Variants in MYT1L observed in about 807,000 individuals in gnomAD.
MYT1L encodes myelin transcription factor 1 like, also known as myelin transcription factor 1-like protein.
A neutral mutation model predicts 126.7 loss-of-function variants in MYT1L; 12 were observed. That is an observed-to-expected ratio of 0.09 (90% CI 0.06 to 0.15). The LOEUF is 0.15. Ranked by LOEUF, MYT1L falls within the 10% of genes least tolerant of loss-of-function variation. The pLI, the probability that MYT1L is intolerant of heterozygous loss-of-function variation, is 1.00. For synonymous variants in MYT1L, 541 were observed against 604.2 expected, an observed-to-expected ratio of 0.90 and a Z score of 1.53; for missense variants, 979 against 1,585.2, an observed-to-expected ratio of 0.62 and a Z score of 6.49.
Position 1,874,196 on chromosome 2 carries a change from TTTTTTTCCCCC to T in MYT1L, c.2711+12332_2711+12342del, listed in dbSNP as rs911238345. Among the ~76,000 whole-genome samples the T allele has an allele frequency of 1.6e-4, 25 of 152,150 alleles. No individual in the cohort carries two copies. The South Asian group carries it at 5.0e-3, about 30-fold the overall frequency. ...GTGGAAAACAGGAAACGCTCTTTTT[TTTTTTTCCCCC>T]AAGATGAATTTTAAATGTAGGAGGT... On this transcript the variant is annotated intron_variant, in intron 18 of 24. Coordinates refer to ENST00000647738, the MANE Select transcript of MYT1L (RefSeq NM_001303052.2).
At chr2:1,896,251 A>G (rs937752531) in intron 14 of MYT1L, among the ~76,000 whole-genome samples, 2 of 152,242 alleles carry the variant, frequency 1.3e-5, no homozygotes, top group Non-Finnish European at 2.9e-5. Context: ...AATGCAAATT[A>G]GTTCAGCTAC....
intron 5 of MYT1L, among the ~76,000 whole-genome samples, chr2:1,991,961 C>T (rs1408188395): frequency 6.6e-6 from 1 of 152,178 alleles, no homozygotes; most frequent in Non-Finnish European, 1.5e-5. Flanking sequence ...TCCTGCTCCA[C>T]AAAGAAGGAT....
At chr2:1,877,664 G>A (rs1027462306) in intron 18 of MYT1L, among the ~76,000 whole-genome samples, 2 of 152,150 alleles carry the variant, frequency 1.3e-5, no homozygotes, top group South Asian at 2.1e-4. Context: ...CTGCTCGCAC[G>A]CCTGTGCTGG....
chr2:2,264,129 C>T (rs2095061666), intron 2 of MYT1L, among the ~76,000 whole-genome samples: 1 of 152,126 alleles, frequency 6.6e-6, no homozygotes, highest in Non-Finnish European at 1.5e-5. Context: ...CCCTGAAGCC[C>T]AAGTTCCTTC....
At chr2:2,189,461 C>G (rs1163793102) in intron 2 of MYT1L, among the ~76,000 whole-genome samples, 2 of 152,122 alleles carry the variant, frequency 1.3e-5, no homozygotes, top group Non-Finnish European at 2.9e-5. Flanking sequence ...TATTAAGACA[C>G]GCATGAAAGA....
intron 4 of MYT1L, among the ~76,000 whole-genome samples, chr2:2,045,289 C>G (rs192101770): frequency 2.6e-4 from 39 of 152,344 alleles, no homozygotes; most frequent in Admixed American, 2.4e-3. Flanking sequence ...GTTTCTGGGG[C>G]AGGCTTCTTG....
chr2:1,827,995 T>G (rs895867186), intron 21 of MYT1L: 1 of 152,076 alleles, frequency 6.6e-6, no homozygotes, highest in Non-Finnish European at 1.5e-5. Flanking sequence ...ATCGCACGGG[T>G]GTGTCCACAA....
At chr2:2,195,525 A>G (rs1331646377) in intron 2 of MYT1L, among the ~76,000 whole-genome samples, 3 of 152,192 alleles carry the variant, frequency 2.0e-5, no homozygotes, top group African/African-American at 7.2e-5. Context: ...TTCATCTACA[A>G]TGTCTGAAAT....
At chr2:1,869,029 G>A (rs562313183) in intron 18 of MYT1L, among the ~76,000 whole-genome samples, 113 of 152,332 alleles carry the variant, frequency 7.4e-4, no homozygotes, top group East Asian at 1.2e-3. Flanking sequence ...CTGAGCTTCC[G>A]CAGGCCATGG....
intron 18 of MYT1L, among the ~76,000 whole-genome samples, chr2:1,882,597 T>C (rs923648545): frequency 6.6e-6 from 1 of 152,210 alleles, no homozygotes; most frequent in Non-Finnish European, 1.5e-5. Flanking sequence ...CCGAGGGCAG[T>C]TGTAATTCAC....
intron 4 of MYT1L, among the ~76,000 whole-genome samples, chr2:2,008,069 C>A (rs764501136): frequency 2.0e-5 from 3 of 152,184 alleles, no homozygotes; most frequent in Admixed American, 6.5e-5. Flanking sequence ...GCATGTCTGA[C>A]ACCCATGGCT....
chr2:2,107,709 A>G (rs2078920833), intron 3 of MYT1L, among the ~76,000 whole-genome samples: 1 of 152,142 alleles, frequency 6.6e-6, no homozygotes, highest in Non-Finnish European at 1.5e-5. Context: ...GTTTTCAAAG[A>G]GAATAATGGG....
At chr2:1,880,774 C>T (rs1179366276) in intron 18 of MYT1L, among the ~76,000 whole-genome samples, 1 of 152,192 alleles carries the variant, frequency 6.6e-6, no homozygotes, top group Non-Finnish European at 1.5e-5. Flanking sequence ...TTCTTTTGCA[C>T]AAAGAACCTC....
At chr2:1,940,638 C>T (rs1273895491) in intron 9 of MYT1L, among the ~76,000 whole-genome samples, 2 of 152,280 alleles carry the variant, frequency 1.3e-5, no homozygotes, top group Non-Finnish European at 1.5e-5. Context: ...CCTGTGGCTG[C>T]ACCTTCCTGA....
intron 3 of MYT1L, among the ~76,000 whole-genome samples, chr2:2,116,822 C>T (rs923099316): frequency 5.9e-5 from 9 of 152,242 alleles, no homozygotes; most frequent in Non-Finnish European, 1.0e-4. Flanking sequence ...GAGGGAGGTG[C>T]AGCCAACCCT....
chr2:1,879,418 G>A (rs1178940975), intron 18 of MYT1L, among the ~76,000 whole-genome samples: 3 of 152,106 alleles, frequency 2.0e-5, no homozygotes, highest in Non-Finnish European at 4.4e-5. Context: ...GCTGCCCAGA[G>A]TCAGATGTGG....
chr2:2,119,585 T>C (rs967173704), intron 3 of MYT1L, among the ~76,000 whole-genome samples: 1 of 152,144 alleles, frequency 6.6e-6, no homozygotes, highest in Admixed American at 6.5e-5. Flanking sequence ...AAACCTGGAG[T>C]AGGAGAAGCA....
intron 3 of MYT1L, among the ~76,000 whole-genome samples, chr2:2,143,644 T>C (rs1469244497): frequency 6.6e-6 from 1 of 151,884 alleles, no homozygotes; most frequent in South Asian, 2.1e-4. Context: ...GAGGCCCAGG[T>C]GTTAGAGGGG....
At chr2:1,990,154 C>T (rs1412879996) in intron 5 of MYT1L, among the ~76,000 whole-genome samples, 1 of 152,248 alleles carries the variant, frequency 6.6e-6, no homozygotes, top group African/African-American at 2.4e-5. Flanking sequence ...ACGGTGTGGT[C>T]AAGGGACACA....
Sources: gnomAD v4.1 joint callset for allele counts (sites outside exome capture counted in the v4.1 genomes callset) on GRCh38, gnomAD v4.1.1 for gene constraint, MANE v1.5 for transcripts, NCBI Gene and HGNC (gene_info 2026-07-23, HGNC 2026-07-21) for gene names.